The following TCFL5 variants were observed in gnomAD, a reference collection of about 807,000 sequenced individuals.
TCFL5 encodes transcription factor-like 5 protein.
TCFL5 carries 9 observed loss-of-function variants against 44.3 expected under a neutral mutation model. The ratio of observed to expected loss-of-function variants is 0.20; its 90% CI spans 0.12 to 0.35. TCFL5 has a LOEUF of 0.35. Among genes scored for constraint, TCFL5 ranks in the 10% least tolerant of loss-of-function variants. The pLI is 1.00. For synonymous variants in TCFL5, 319 were observed against 271.6 expected (o/e 1.17, Z -1.72); for missense variants, 603 against 613.4 (o/e 0.98, Z 0.18).
Position 62,845,995 on chromosome 20 carries a change from G to A in TCFL5, c.1381-3898C>T, listed in dbSNP as rs1162954211. 6 of 1,404,188 alleles carry A rather than the reference G, an allele frequency of 4.3e-6. No individual in the cohort carries two copies. In the African/African-American group the frequency reaches 7.2e-5, roughly 17 times the overall value. The allele number at this position is 1,404,188 out of a possible 1,614,324, so 87.0% of individuals were successfully genotyped here. On this transcript the variant is annotated intron_variant, in intron 5 of 5. Coordinates refer to ENST00000335351, the MANE Select transcript of TCFL5 (RefSeq NM_006602.4). ...CAAATGCAAAGCTCCTGGCTTCGTG[G>A]AGACACAGCCATTTGTGATTTGCTG... is the stretch of plus-strand genomic sequence containing the variant.
rs200910523 is a variant in TCFL5, at chr20:62,857,531, C to G, written c.1102G>C (p.Gly368Arg). 6.2e-7 allele frequency: 1 copy of G among 1,614,260 alleles called. No homozygotes were observed. Among genetic ancestry groups the G allele is most frequent in the East Asian group, 2.2e-5 (1 of 44,890 alleles). Residue 368 changes from glycine (G) to arginine (R), a missense_variant, in exon 4 of 6, where the codon GGT (glycine) becomes CGT (arginine). By Grantham distance (125) the Gly-to-Arg change is moderately radical (BLOSUM62 -2). Coordinates refer to ENST00000335351, the MANE Select transcript of TCFL5 (RefSeq NM_006602.4). ...CAAGCGCCTTGTGTGGCGGTGGCAC[C>G]TTCGCCCACATTCTGAATCTCTCCA... is the stretch of plus-strand genomic sequence containing the variant. ...ALGEIQNVGE[G>R]ATATQGAWQS...
chr20:62,853,262 TA>T (rs1012546488), intron 5 of TCFL5, among the ~76,000 whole-genome samples: 2 of 150,120 alleles, frequency 1.3e-5, no homozygotes, highest in Non-Finnish European at 2.9e-5. Flanking sequence ...TCCACAGAAG[TA>T]TATTTCTTAT....
intron 3 of TCFL5, among the ~76,000 whole-genome samples, chr20:62,858,311 T>C (rs2147289314): frequency 6.6e-6 from 1 of 152,382 alleles, no homozygotes; most frequent in African/African-American, 2.4e-5. Context: ...TGTGCACGCG[T>C]ATGCCACACA....
chr20:62,847,853 T>C (rs1162536923), intron 5 of TCFL5, among the ~76,000 whole-genome samples: 5 of 152,074 alleles, frequency 3.3e-5, no homozygotes, highest in Admixed American at 6.5e-5. Flanking sequence ...CTACTAAAAA[T>C]ACAAAAATTA....
chr20:62,849,060 C>T (rs997578362), intron 5 of TCFL5, among the ~76,000 whole-genome samples: 1 of 151,928 alleles, frequency 6.6e-6, no homozygotes, highest in Non-Finnish European at 1.5e-5. Context: ...CCTAGCTACT[C>T]AAGAGGCTGA....
intron 5 of TCFL5, among the ~76,000 whole-genome samples, chr20:62,847,168 T>G: frequency 7.2e-6 from 1 of 138,890 alleles, no homozygotes; most frequent in South Asian, 2.2e-4. Flanking sequence ...GGGCAACGAG[T>G]GAAACTTCAT....
chr20:62,845,359 G>GT (rs1395708593), intron 5 of TCFL5: 1 of 1,131,620 alleles, frequency 8.8e-7, no homozygotes, highest in Non-Finnish European at 1.1e-6. Flanking sequence ...CTGACCTCAG[G>GT]TAATCTGCCC....
rs1379927310 is a variant in TCFL5 at position 62,857,619 on chromosome 20, T to C, written c.1014A>G (p.Gln338=). 6.2e-7 allele frequency: 1 copy of C among 1,614,102 alleles called. No homozygotes were observed. Among genetic ancestry groups the C allele is most frequent in the African/African-American group, 1.3e-5 (1 of 74,956 alleles). The change falls in exon 4 of 6, where the codon CAA becomes CAG. Residue 338 remains glutamine (Q), a synonymous_variant. Transcript: ENST00000335351. ...IKVGEAALCK[Q]ALKRNRSRMR... Reference sequence around the variant, plus strand: ...TTCTACTCCGATTCCTCTTCAGTGCTTGTTTGCATAGCGCTGCTTCTTTGC... The same window carrying C: ...TTCTACTCCGATTCCTCTTCAGTGCCTGTTTGCATAGCGCTGCTTCTTTGC...
chr20:62,856,476 G>A (rs1423182312), intron 4 of TCFL5, among the ~76,000 whole-genome samples: 7 of 151,358 alleles, frequency 4.6e-5, no homozygotes, highest in South Asian at 2.1e-4. Context: ...AGGCCGAGGC[G>A]GGCAGATCAC....
intron 5 of TCFL5, among the ~76,000 whole-genome samples, chr20:62,850,403 G>C (rs1568781446): frequency 6.6e-6 from 1 of 151,452 alleles, no homozygotes; most frequent in Non-Finnish European, 1.5e-5. Flanking sequence ...CTGCTTCTCT[G>C]AGTCTTCCCT....
chr20:62,854,249 G>T, intron 4 of TCFL5, 92 bp from the exon 5 acceptor site: 1 of 1,499,830 alleles, frequency 6.7e-7, no homozygotes, highest in South Asian at 1.2e-5. Context: ...GAGGGAACCA[G>T]AGCTCGTGCA....
At chr20:62,851,645 T>C in intron 5 of TCFL5, 1 of 985,404 alleles carries the variant, frequency 1.0e-6, no homozygotes, top group Non-Finnish European at 1.2e-6. Context: ...AAATGTATAA[T>C]GTAAATAAAC....
At position 62,841,587 on chromosome 20, in the gene TCFL5, A is replaced by T. The variant is rs12625401; in HGVS notation, c.*388T>A. On this transcript the variant is annotated 3_prime_UTR_variant, in exon 6 of 6. Coordinates refer to ENST00000335351, the MANE Select transcript of TCFL5 (RefSeq NM_006602.4). ...CTTGTTCCAATTGCTAAAGGGGCAT[A>T]TTTAAAAGGTAAATAAGTAAAAAGC... 0.11 allele frequency: 17,879 copies of T among 158,448 alleles called. 1,234 individuals are homozygous for T. Among genetic ancestry groups the T allele is most frequent in the African/African-American group, 0.2 (8,132 of 41,580 alleles). 9.8% of individuals were successfully genotyped at this position (158,448 alleles called of 1,614,324 possible). A position where few individuals can be genotyped will look rare whatever the true frequency, so the allele number is the denominator to read the frequency against.
chr20:62,860,730 A>G (rs1218063413), intron 1 of TCFL5, among the ~76,000 whole-genome samples: 4 of 152,302 alleles, frequency 2.6e-5, no homozygotes, highest in East Asian at 1.9e-4. Flanking sequence ...CTGACATCCA[A>G]GAGTGCCACC....
At chr20:62,852,078 C>T in intron 5 of TCFL5, 2 of 985,438 alleles carry the variant, frequency 2.0e-6, no homozygotes, top group Non-Finnish European at 2.4e-6. Flanking sequence ...GTGCTGGGAT[C>T]ACAGGCATGA....
intron 1 of TCFL5, 57 bp downstream of exon 1, chr20:62,860,955 CGCCCCGGCCCCG>C (rs200323010): frequency 1.2e-5 from 12 of 979,512 alleles, no homozygotes; most frequent in Non-Finnish European, 1.2e-5. Context: ...CCTTTGCCTC[CGCCCCGGCCCCG>C]GCCCCGGCCT....
rs2063995300 is a variant in TCFL5, at chr20:62,861,088, G to C, written c.583C>G (p.Pro195Ala). 1 of 997,240 alleles carries C rather than the reference G, an allele frequency of 1.0e-6. No individual in the cohort carries two copies. The allele number at this position is 997,240 out of a possible 1,614,324, so 61.8% of individuals were successfully genotyped here. ...VRLEDRFNSI[P>A]AEPPPAPRGP... ...CGCGGCGCGGGCGGCGGCTCGGCGG[G>C]GATGCTGTTGAAGCGGTCCTCCAGG... Residue 195 changes from proline (P) to alanine (A), a missense_variant, in exon 1 of 6, where the codon CCC becomes GCC. Transcript: ENST00000335351. The surrounding 1 kb of genome is among the most constrained non-coding windows in gnomAD (Gnocchi z 4.0).
At chr20:62,853,694 T>C (rs2063846392) in intron 5 of TCFL5, among the ~76,000 whole-genome samples, 1 of 152,128 alleles carries the variant, frequency 6.6e-6, no homozygotes, top group Admixed American at 6.6e-5. Context: ...TTCACAAGTT[T>C]TTCTGAGGGC....
At chr20:62,846,166 A>G in intron 5 of TCFL5, 1 of 1,162,072 alleles carries the variant, frequency 8.6e-7, no homozygotes, top group Non-Finnish European at 1.1e-6. Flanking sequence ...AAAAGACGAT[A>G]ATTTAAAAAA....
Sources: allele counts gnomAD v4.1 joint callset (sites outside exome capture counted in the v4.1 genomes callset), GRCh38; gene constraint gnomAD v4.1.1; non-coding constraint Gnocchi (gnomAD v3.1); transcripts MANE v1.5; gene names NCBI Gene and HGNC (gene_info 2026-07-23, HGNC 2026-07-21).